The following USP34 variants were observed in gnomAD, a reference collection of about 807,000 sequenced individuals.
USP34 encodes ubiquitin specific peptidase 34.
Under a neutral mutation model 460.3 loss-of-function variants are expected in USP34, and 70 were observed. The observed-to-expected ratio is 0.15, with a 90% CI of 0.13 to 0.19. The LOEUF (loss-of-function observed/expected upper bound fraction) is 0.19. Among genes scored for constraint, USP34 ranks in the 10% least tolerant of loss-of-function variants. The probability of loss-of-function intolerance (pLI) is 1.00; values close to 1 mark genes in which losing one functional copy is unlikely to be tolerated. For missense variants in USP34, 3,985 were observed against 4,236.2 expected (o/e 0.94, Z 1.65); for synonymous variants, 1,647 against 1,405.3 (o/e 1.17, Z -3.85).
intron 58 of USP34, among the ~76,000 whole-genome samples, chr2:61,230,458 C>T (rs1687860286): frequency 1.3e-5 from 2 of 151,906 alleles, no homozygotes. Context: ...CGGGAGGTGG[C>T]GGTTGCAGTG....
At chr2:61,384,386 C>G (rs932359486) in intron 5 of USP34, among the ~76,000 whole-genome samples, 3 of 152,066 alleles carry the variant, frequency 2.0e-5, no homozygotes, top group Admixed American at 6.5e-5. Context: ...ATTAAAAAAT[C>G]TGGACAGGCG....
chr2:61,396,602 C>T (rs1693536229), intron 3 of USP34, among the ~76,000 whole-genome samples: 2 of 152,074 alleles, frequency 1.3e-5, no homozygotes, highest in Middle Eastern at 3.4e-3. Flanking sequence ...CATTCTCCTG[C>T]CTCAGCCTCC....
chr2:61,277,949 C>T (rs933459153), intron 41 of USP34: 33 of 519,924 alleles, frequency 6.3e-5, no homozygotes, highest in Middle Eastern at 5.1e-4. Flanking sequence ...ACATAAGATG[C>T]GACTTGCTCG....
At chr2:61,386,474 G>A (rs1416340147) in intron 5 of USP34, among the ~76,000 whole-genome samples, 1 of 152,064 alleles carries the variant, frequency 6.6e-6, no homozygotes, top group Non-Finnish European at 1.5e-5. Flanking sequence ...ATCAAGGTAA[G>A]CAAGAAAAAA....
chr2:61,206,799 A>C lies in USP34; in HGVS notation c.9007T>G (p.Ser3003Ala). The change falls in exon 71 of 80, where the codon TCG becomes GCG. Residue 3003 changes from serine to alanine, a missense_variant. Coordinates refer to ENST00000398571, the MANE Select transcript of USP34 (RefSeq NM_014709.4). ...DLVELLSIFL[S>A]VLKSTRPYLQ... ...TAAGGGCGTGTAGACTTCAAAACCG[A>C]AAGAAATATTGACAGAAGTTCTACT... 2 of 1,613,740 alleles carry C rather than the reference A, an allele frequency of 1.2e-6. No homozygotes were observed.
Position 61,465,213 on chromosome 2 carries a change from G to C in USP34, c.43+5437C>G, listed in dbSNP as rs1695725675. 2.0e-5 allele frequency among the ~76,000 whole-genome samples: 3 copies of C among 152,256 alleles called. No homozygotes were observed. The South Asian group carries it at 6.2e-4, about 32-fold the overall frequency. ...AAAAAGGGTGGGTGTGGTGGGGCAA[G>C]GGTACTTATGATAGGATCCTTAGTC... On this transcript the variant is annotated intron_variant, in intron 1 of 79. Transcript: ENST00000398571.
chr2:61,229,688 T>G (rs557421225), intron 58 of USP34, 55 bp from the exon 59 acceptor site: 1 of 1,467,112 alleles, frequency 6.8e-7, no homozygotes, highest in Non-Finnish European at 9.4e-7. Flanking sequence ...AACAAAGATT[T>G]GAAAAATTAA....
chr2:61,274,434 G>A (rs1190316063), intron 41 of USP34, among the ~76,000 whole-genome samples: 2 of 141,558 alleles, frequency 1.4e-5, no homozygotes, highest in African/African-American at 5.2e-5. Flanking sequence ...AAAACATGAA[G>A]TCAAGACAGA....
At chr2:61,244,120 T>C (rs1688356416) in intron 51 of USP34, among the ~76,000 whole-genome samples, 1 of 151,930 alleles carries the variant, frequency 6.6e-6, no homozygotes, top group African/African-American at 2.4e-5. Flanking sequence ...AAATCCAGAC[T>C]GTAAATGGTT....
intron 48 of USP34, among the ~76,000 whole-genome samples, chr2:61,254,923 C>G (rs973561532): frequency 6.6e-6 from 1 of 152,176 alleles, no homozygotes; most frequent in Non-Finnish European, 1.5e-5. Flanking sequence ...TCATGGCTCA[C>G]TGTAAGCTAC....
rs553939038 is a variant in USP34, at chr2:61,420,514, C to A, written c.131+232G>T. On this transcript the variant is annotated intron_variant, in intron 2 of 79. Transcript: ENST00000398571. ...TACTTTTCAGAATTTCTGTGACTCT[C>A]ATATCCCTAAATAAGCAGGGGTCAA... Among the ~76,000 whole-genome samples the A allele has an allele frequency of 1.3e-5, 2 of 152,276 alleles. 1 individual carries two copies. The highest frequency in any genetic ancestry group is 4.1e-4 in the South Asian group (2 of 4,832).
At chr2:61,435,810 C>A (rs920928133) in intron 1 of USP34, among the ~76,000 whole-genome samples, 19 of 152,046 alleles carry the variant, frequency 1.2e-4, no homozygotes, top group African/African-American at 4.3e-4. Flanking sequence ...GGGCAGATCA[C>A]TTGAGGTCAG....
chr2:61,317,475 T>C (rs987595026), intron 23 of USP34, among the ~76,000 whole-genome samples, 179 bp downstream of exon 23: 2 of 152,166 alleles, frequency 1.3e-5, no homozygotes, highest in African/African-American at 4.8e-5. Context: ...TGCAGTGAGC[T>C]GAGATCACAC....
chr2:61,209,366 A>C (rs1362538055), intron 69 of USP34, among the ~76,000 whole-genome samples: 2 of 152,232 alleles, frequency 1.3e-5, no homozygotes, highest in East Asian at 3.8e-4. Context: ...AACATGAAGG[A>C]AAAAAATACT....
At chr2:61,343,722 C>A in intron 16 of USP34, 93 bp downstream of exon 16, 1 of 1,338,762 alleles carries the variant, frequency 7.5e-7, no homozygotes, top group South Asian at 1.3e-5. Context: ...ATTTAAGTAC[C>A]ATAACCTTAA....
At chr2:61,285,397 G>C (rs1420474802) in intron 34 of USP34, among the ~76,000 whole-genome samples, 1 of 151,308 alleles carries the variant, frequency 6.6e-6, no homozygotes, top group Non-Finnish European at 1.5e-5. Flanking sequence ...TGAGAAGGGA[G>C]GAACACCTGA....
intron 75 of USP34, among the ~76,000 whole-genome samples, chr2:61,194,769 A>G (rs1335081830): frequency 6.6e-6 from 1 of 152,194 alleles, no homozygotes; most frequent in Admixed American, 6.5e-5. Context: ...CAGCCTGACC[A>G]ACATGGAGAA....
chr2:61,221,992 C>G (rs1239417635), intron 65 of USP34: 1 of 158,922 alleles, frequency 6.3e-6, no homozygotes, highest in African/African-American at 2.4e-5. Context: ...TGTCAGAACA[C>G]TTAAAATCTA....
intron 10 of USP34, among the ~76,000 whole-genome samples, chr2:61,359,978 T>G: frequency 6.6e-6 from 1 of 151,740 alleles, no homozygotes; most frequent in Non-Finnish European, 1.5e-5. Context: ...AGAAACGAGG[T>G]TTCACTATGT....
Sources: gnomAD v4.1 joint callset for allele counts (sites outside exome capture counted in the v4.1 genomes callset) on GRCh38, gnomAD v4.1.1 for gene constraint, MANE v1.5 for transcripts, NCBI Gene and HGNC (gene_info 2026-07-23, HGNC 2026-07-21) for gene names.